UGT1A9: variants seen among roughly 807,000 people sequenced by gnomAD.
UGT1A9 encodes UDP-glucuronosyltransferase 1A9.
A neutral mutation model predicts 45.0 loss-of-function variants in UGT1A9; 35 were observed. The ratio of observed to expected loss-of-function variants is 0.78; its 90% CI spans 0.59 to 1.03. The LOEUF (loss-of-function observed/expected upper bound fraction) is 1.03, where lower values mean the gene tolerates loss of function less well. Ranked by LOEUF, UGT1A9 falls within the 50% of genes least tolerant of loss-of-function variation. UGT1A9 has a pLI of 0.00. For missense variants in UGT1A9, 687 were observed against 666.6 expected, an observed-to-expected ratio of 1.03 and a Z score of -0.34; for synonymous variants, 278 against 250.6, an observed-to-expected ratio of 1.11 and a Z score of -1.03.
chr2:233,748,180 G>T (rs1460619178), intron 1 of UGT1A9: 22 of 1,578,250 alleles, frequency 1.4e-5, no homozygotes, highest in Non-Finnish European at 1.9e-5. Flanking sequence ...TCTTTCTGGT[G>T]CTTTTATTTC....
intron 1 of UGT1A9, among the ~76,000 whole-genome samples, chr2:233,675,695 A>T (rs2074331379): frequency 6.6e-6 from 1 of 152,178 alleles, no homozygotes; most frequent in Non-Finnish European, 1.5e-5. Flanking sequence ...CCACTTATCC[A>T]TTCTTAGGTT....
chr2:233,703,111 T>C (rs2075722955), intron 1 of UGT1A9, among the ~76,000 whole-genome samples: 1 of 152,236 alleles, frequency 6.6e-6, no homozygotes, highest in Admixed American at 6.5e-5. Flanking sequence ...AAATTACTAA[T>C]TTAATCTTTT....
chr2:233,673,184 A>G (rs1452844243), intron 1 of UGT1A9, among the ~76,000 whole-genome samples: 1 of 152,196 alleles, frequency 6.6e-6, no homozygotes, highest in Non-Finnish European at 1.5e-5. Context: ...TACAATATCT[A>G]ATGTAAATTC....
At chr2:233,725,116 C>T (rs2077366977) in intron 1 of UGT1A9, among the ~76,000 whole-genome samples, 1 of 140,206 alleles carries the variant, frequency 7.1e-6, no homozygotes, top group Non-Finnish European at 1.5e-5. Flanking sequence ...AGGGAGGTTG[C>T]AGTGAGCCGA....
At chr2:233,755,170 T>A (rs1240762958) in intron 1 of UGT1A9, 1 of 1,262,070 alleles carries the variant, frequency 7.9e-7, no homozygotes. Context: ...TCGGGGTTTT[T>A]GTCGGGGTGC....
At chr2:233,708,233 A>G (rs1227435059) in intron 1 of UGT1A9, among the ~76,000 whole-genome samples, 2 of 152,190 alleles carry the variant, frequency 1.3e-5, no homozygotes, top group African/African-American at 4.8e-5. Context: ...TCCCTTAGCA[A>G]TGTATAAGTG....
chr2:233,682,521 T>C, intron 1 of UGT1A9: 2 of 1,613,930 alleles, frequency 1.2e-6, no homozygotes, highest in East Asian at 2.2e-5. Flanking sequence ...AGACTTCTCT[T>C]AGGGTTCTCA....
intron 1 of UGT1A9, chr2:233,747,077 TAGG>T: frequency 9.2e-7 from 1 of 1,083,878 alleles, no homozygotes; most frequent in South Asian, 1.6e-5. Context: ...AATAATTAAC[TAGG>T]AGGAGAGCAC....
intron 1 of UGT1A9, chr2:233,682,115 C>T (rs2074558733): frequency 1.2e-6 from 2 of 1,614,154 alleles, no homozygotes; most frequent in Non-Finnish European, 1.7e-6. Flanking sequence ...CGTAGTCATG[C>T]CAGAGGTGAG....
chr2:233,697,681 T>C (rs990981606), intron 1 of UGT1A9, among the ~76,000 whole-genome samples: 1 of 152,138 alleles, frequency 6.6e-6, no homozygotes, highest in African/African-American at 2.4e-5. Context: ...ATTCAAAATA[T>C]TTCTGCTTTT....
intron 1 of UGT1A9, among the ~76,000 whole-genome samples, chr2:233,731,890 C>A (rs2125767900): frequency 6.6e-6 from 1 of 152,340 alleles, no homozygotes; most frequent in Admixed American, 6.5e-5. Flanking sequence ...AACTAATTTA[C>A]ACTCCCACCA....
chr2:233,702,649 G>C (rs2075698422), intron 1 of UGT1A9, among the ~76,000 whole-genome samples: 1 of 152,092 alleles, frequency 6.6e-6, no homozygotes, highest in African/African-American at 2.4e-5. Context: ...TCTATTCCTA[G>C]CTCGTTGAGT....
chr2:233,757,071 A>G (rs1696390721), intron 1 of UGT1A9, among the ~76,000 whole-genome samples: 1 of 151,466 alleles, frequency 6.6e-6, no homozygotes. Context: ...GGGATCCAGA[A>G]TGGCTAGAGG....
At chr2:233,690,624 G>A (rs2075000515) in intron 1 of UGT1A9, 1 of 1,289,022 alleles carries the variant, frequency 7.8e-7, no homozygotes, top group Admixed American at 2.3e-5. Context: ...GGACACTCAA[G>A]TGATACCTGA....
At chr2:233,729,133 A>G in intron 1 of UGT1A9, 1 of 1,613,236 alleles carries the variant, frequency 6.2e-7, no homozygotes, top group Non-Finnish European at 8.5e-7. Flanking sequence ...TGAGATGGCC[A>G]CAGGACTCCA....
rs886183040 is a variant in UGT1A9, at chr2:233,769,751, A to C, written c.1295+1312A>C. 1.1e-5 allele frequency: 16 copies of C among 1,422,712 alleles called. No homozygotes were observed. Among genetic ancestry groups the C allele is most frequent in the Non-Finnish European group, 1.5e-5 (16 of 1,085,126 alleles). 88.1% of individuals were successfully genotyped at this position (1,422,712 alleles called of 1,614,324 possible). A position where few individuals can be genotyped will look rare whatever the true frequency, so the allele number is the denominator to read the frequency against. On this transcript the variant is annotated intron_variant, in intron 4 of 4. Transcript: ENST00000354728. This position sits in a 1 kb window ranked among gnomAD's most constrained non-coding sequence, Gnocchi z 4.4. Reference sequence around the variant, plus strand: ...ACGCCTGTAGTCCCAGCCACTCTGGAGGCTAAGGCGGGAGGATTGCTTGAG... The same window carrying C: ...ACGCCTGTAGTCCCAGCCACTCTGGCGGCTAAGGCGGGAGGATTGCTTGAG...
chr2:233,682,552 G>T, intron 1 of UGT1A9: 2 of 1,613,932 alleles, frequency 1.2e-6, no homozygotes, highest in Non-Finnish European at 1.7e-6. Context: ...CTTTCAAGGA[G>T]AGAGTATGGA....
chr2:233,755,086 G>A (rs1190713460), intron 1 of UGT1A9: 3 of 1,335,468 alleles, frequency 2.2e-6, no homozygotes, highest in Non-Finnish European at 3.0e-6. Flanking sequence ...TAGATATCGC[G>A]TTTCTACGCG....
At chr2:233,689,068 A>G (rs2074925426) in intron 1 of UGT1A9, among the ~76,000 whole-genome samples, 1 of 152,202 alleles carries the variant, frequency 6.6e-6, no homozygotes, top group African/African-American at 2.4e-5. Flanking sequence ...TCCCTTTGTC[A>G]TGGCTTAACT....
Sources: allele counts gnomAD v4.1 joint callset (sites outside exome capture counted in the v4.1 genomes callset), GRCh38; gene constraint gnomAD v4.1.1; non-coding constraint Gnocchi (gnomAD v3.1); transcripts MANE v1.5; gene names NCBI Gene and HGNC (gene_info 2026-07-23, HGNC 2026-07-21).